The following TEAD1 variants were observed in gnomAD, a reference collection of about 807,000 sequenced individuals.
TEAD1 encodes the protein transcriptional enhancer factor TEF-1.
In TEAD1, 9 loss-of-function variants were observed where a neutral mutation model predicts 54.9. The observed-to-expected ratio is 0.16, with a 90% confidence interval of 0.10 to 0.29. TEAD1 has a LOEUF of 0.29. Among genes scored for constraint, TEAD1 ranks in the 10% least tolerant of loss-of-function variants. The probability of loss-of-function intolerance (pLI) is 1.00; values close to 1 mark genes in which losing one functional copy is unlikely to be tolerated. For missense variants in TEAD1, 387 were observed against 535.9 expected, an observed-to-expected ratio of 0.72 and a Z score of 2.74; for synonymous variants, 200 against 187.8, an observed-to-expected ratio of 1.07 and a Z score of -0.53.
In TEAD1 at chr11:12,832,552, T is replaced by C. The variant is rs1946804635; in HGVS notation, c.203-29698T>C. ...TTAATAACTATACTGTTGTCACAGC[T>C]CAAAACTTTCCTATTGACACTTCAG... is the stretch of plus-strand genomic sequence containing the variant. On this transcript the variant is annotated intron_variant, in intron 3 of 12. Transcript: ENST00000527636. Among the ~76,000 whole-genome samples the C allele has an allele frequency of 2.0e-5, 3 of 152,204 alleles. No homozygotes were observed. In the South Asian group the frequency reaches 6.2e-4, roughly 31 times the overall value.
chr11:12,777,669 A>G (rs1945458958), intron 3 of TEAD1, among the ~76,000 whole-genome samples: 1 of 152,204 alleles, frequency 6.6e-6, no homozygotes, highest in Admixed American at 6.5e-5. Context: ...TGTTTATTCA[A>G]CTGTTACTGC....
At chr11:12,888,121 A>G (rs1014701626) in intron 9 of TEAD1, among the ~76,000 whole-genome samples, 3 of 152,204 alleles carry the variant, frequency 2.0e-5, no homozygotes, top group Non-Finnish European at 2.9e-5. Flanking sequence ...AGGTTATTCT[A>G]TTCCCTTCTA....
chr11:12,882,158 T>C (rs1947986094), intron 8 of TEAD1, among the ~76,000 whole-genome samples: 1 of 152,156 alleles, frequency 6.6e-6, no homozygotes. Context: ...CAAGAGCTTT[T>C]CAGATGGTTT....
intron 5 of TEAD1, among the ~76,000 whole-genome samples, chr11:12,872,343 TTGTC>T (rs1301177778): frequency 2.0e-5 from 3 of 152,306 alleles, no homozygotes; most frequent in Non-Finnish European, 2.9e-5. Context: ...ACAACCTCCT[TTGTC>T]TGTGTCCACA....
At chr11:12,916,523 G>A (rs535773216) in intron 10 of TEAD1, among the ~76,000 whole-genome samples, 48 of 152,280 alleles carry the variant, frequency 3.2e-4, no homozygotes, top group African/African-American at 1.1e-3. Flanking sequence ...TAATGACTGT[G>A]AATTTTATAG....
At position 12,897,367 on chromosome 11, in the gene TEAD1, CA is replaced by C. The variant is rs1302041445; in HGVS notation, c.700-4572del. 9.2e-5 allele frequency among the ~76,000 whole-genome samples: 14 copies of C among 152,314 alleles called. No individual in the cohort carries two copies. The East Asian group carries it at 2.3e-3, about 25-fold the overall frequency. ...CCTTCACCAAAGGGTTTTTAGAATT[CA>C]TTTCATTAAAACTTGAACCCAACAT... On this transcript the variant is annotated intron_variant, in intron 9 of 12. Coordinates refer to ENST00000527636, the MANE Select transcript of TEAD1 (RefSeq NM_021961.6).
chr11:12,700,973 CAG>C (rs1943688902), intron 2 of TEAD1, among the ~76,000 whole-genome samples: 1 of 152,200 alleles, frequency 6.6e-6, no homozygotes, highest in Non-Finnish European at 1.5e-5. Flanking sequence ...AGACAAAGCA[CAG>C]AGTCTCCTCT....
At chr11:12,886,181 A>C (rs972993066) in intron 9 of TEAD1, among the ~76,000 whole-genome samples, 3 of 152,260 alleles carry the variant, frequency 2.0e-5, no homozygotes, top group African/African-American at 7.2e-5. Flanking sequence ...ATATTAAATC[A>C]GTGACTATTT....
In TEAD1 at chr11:12,942,043, G is replaced by A. The variant is rs1949166755; in HGVS notation, c.*4821G>A. On this transcript the variant is annotated 3_prime_UTR_variant, in exon 13 of 13. Coordinates refer to ENST00000527636, the MANE Select transcript of TEAD1 (RefSeq NM_021961.6). ...TTCTATAGGAAACTGACTGCTTGGT[G>A]TAAAATCCGAAACTGGACACAAGTC... 6.6e-6 allele frequency: 1 copy of A among 152,582 alleles called. No homozygotes were observed. Among genetic ancestry groups the A allele is most frequent in the Non-Finnish European group, 1.5e-5 (1 of 68,042 alleles). The allele number at this position is 152,582 out of a possible 1,614,324, so 9.5% of individuals were successfully genotyped here.
Position 12,916,157 on chromosome 11 carries a change from T to G in TEAD1, c.874-8755T>G, listed in dbSNP as rs572430752. ...CACACGTGTTAATGATGGCCTTTTTTTTAGTCCCAGAAAGAATTCTATAAC... is the reference window on the plus strand; with the variant it reads ...CACACGTGTTAATGATGGCCTTTTTGTTAGTCCCAGAAAGAATTCTATAAC... On this transcript the variant is annotated intron_variant, in intron 10 of 12. Transcript: ENST00000527636. Among the ~76,000 whole-genome samples, 3 of 152,350 alleles carry G rather than the reference T, an allele frequency of 2.0e-5. No homozygotes were observed. In the South Asian group the frequency reaches 6.2e-4, roughly 32 times the overall value.
At chr11:12,887,085 T>TTTG (rs1345703903) in intron 9 of TEAD1, among the ~76,000 whole-genome samples, 27 of 9,372 alleles carry the variant, frequency 2.9e-3, no homozygotes, top group Non-Finnish European at 3.9e-3. Flanking sequence ...TTTTTTGTTT[T>TTTG]TTTTTTTGTT....
chr11:12,928,916 G>A (rs1948955801), intron 11 of TEAD1, among the ~76,000 whole-genome samples: 2 of 152,084 alleles, frequency 1.3e-5, no homozygotes, highest in Non-Finnish European at 2.9e-5. Flanking sequence ...AGGATACAGC[G>A]CCTTGGTATT....
At chr11:12,714,470 T>G (rs1014378990) in intron 2 of TEAD1, among the ~76,000 whole-genome samples, 2 of 152,080 alleles carry the variant, frequency 1.3e-5, no homozygotes, top group Non-Finnish European at 2.9e-5. Context: ...ACCTGGCTAA[T>G]TTTTGTAGTT....
intron 3 of TEAD1, among the ~76,000 whole-genome samples, chr11:12,854,907 C>T (rs1294380633): frequency 6.6e-6 from 1 of 151,790 alleles, no homozygotes; most frequent in African/African-American, 2.4e-5. Flanking sequence ...GAGATGGCAT[C>T]TTTTTACCCC....
rs576600671 is a variant in TEAD1 at position 12,940,199 on chromosome 11, A to C, written c.*2977A>C. On this transcript the variant is annotated 3_prime_UTR_variant, in exon 13 of 13. Transcript: ENST00000527636. ...TTATTCACACATGTTCTAGAACCCC[A>C]GAATGGCCCAAGTTACCTGAGACCA... 6.6e-6 allele frequency: 1 copy of C among 152,368 alleles called. No homozygotes were observed. Among genetic ancestry groups the C allele is most frequent in the Non-Finnish European group, 1.5e-5 (1 of 68,062 alleles). The allele number at this position is 152,368 out of a possible 1,614,324, so 9.4% of individuals were successfully genotyped here. A position where few individuals can be genotyped will look rare whatever the true frequency, so the allele number is the denominator to read the frequency against.
At chr11:12,936,920 C>G (rs966274415) in intron 12 of TEAD1, among the ~76,000 whole-genome samples, 189 bp from the exon 13 acceptor site, 17 of 152,046 alleles carry the variant, frequency 1.1e-4, no homozygotes, top group African/African-American at 4.1e-4. Flanking sequence ...CTTATGATAA[C>G]CACGTTTAGA....
rs146361370 is a variant in TEAD1 at position 12,935,876 on chromosome 11, T to C, written c.1168-1233T>C. Among the ~76,000 whole-genome samples the C allele has an allele frequency of 1.3e-3, 202 of 152,212 alleles. 1 individual carries two copies. Among genetic ancestry groups the C allele is most frequent in the South Asian group, 5.2e-3 (25 of 4,820 alleles). ...GGTGAGATGGATATTAGAAAAAAAATTGTACACGCCAGTATGTGTTTACCA... is the reference window on the plus strand; with the variant it reads ...GGTGAGATGGATATTAGAAAAAAAACTGTACACGCCAGTATGTGTTTACCA... On this transcript the variant is annotated intron_variant, in intron 12 of 12. Transcript: ENST00000527636.
chr11:12,934,439 T>C (rs1949065306), intron 12 of TEAD1, among the ~76,000 whole-genome samples: 1 of 151,882 alleles, frequency 6.6e-6, no homozygotes, highest in South Asian at 2.1e-4. Flanking sequence ...ATACCTAATG[T>C]TAAATGATGA....
chr11:12,776,091 C>T (rs1945412691), intron 3 of TEAD1, among the ~76,000 whole-genome samples: 1 of 151,924 alleles, frequency 6.6e-6, no homozygotes. Flanking sequence ...GCTCAGGGGA[C>T]AGGTGGTCAG....
Sources: gnomAD v4.1 joint callset for allele counts (sites outside exome capture counted in the v4.1 genomes callset) on GRCh38, gnomAD v4.1.1 for gene constraint, MANE v1.5 for transcripts, NCBI Gene and HGNC (gene_info 2026-07-23, HGNC 2026-07-21) for gene names.